PRKN: variants seen among roughly 807,000 people sequenced by gnomAD.
PRKN encodes E3 ubiquitin-protein ligase parkin.
A neutral mutation model predicts 59.5 loss-of-function variants in PRKN; 56 were observed. The ratio of observed to expected loss-of-function variants is 0.94; its 90% CI spans 0.76 to 1.18. The LOEUF (loss-of-function observed/expected upper bound fraction) is 1.18, where lower values mean the gene tolerates loss of function less well. Ranked by LOEUF, PRKN falls within the 50% of genes most tolerant of loss-of-function variation. The probability of loss-of-function intolerance (pLI) is 0.00; values close to 1 mark genes in which losing one functional copy is unlikely to be tolerated. For missense variants in PRKN, 657 were observed against 596.4 expected, an observed-to-expected ratio of 1.10 and a Z score of -1.06; for synonymous variants, 250 against 222.1, an observed-to-expected ratio of 1.13 and a Z score of -1.12.
In PRKN at chr6:161,616,753, G is replaced by T. The variant is rs532260159; in HGVS notation, c.872-47337C>A. Reference sequence around the variant, plus strand: ...AAAGGACATGAACTCACCCCCTTAAGGCTGCAAAGTATTCCATGGTGTATA... The same window carrying T: ...AAAGGACATGAACTCACCCCCTTAATGCTGCAAAGTATTCCATGGTGTATA... On this transcript the variant is annotated intron_variant, in intron 7 of 11. Transcript: ENST00000366898. Among the ~76,000 whole-genome samples, 89 of 152,236 alleles carry T rather than the reference G, an allele frequency of 5.8e-4. 1 individual carries two copies. The highest frequency in any genetic ancestry group is 1.1e-3 in the Non-Finnish European group (76 of 68,014).
At chr6:161,976,062 TG>T (rs1410052524) in intron 5 of PRKN, among the ~76,000 whole-genome samples, 1 of 152,134 alleles carries the variant, frequency 6.6e-6, no homozygotes, top group African/African-American at 2.4e-5. Context: ...CCCGCCATCA[TG>T]CCAGGCTAAT....
chr6:162,259,440 AAAG>A (rs747599231), intron 3 of PRKN, among the ~76,000 whole-genome samples: 6 of 152,198 alleles, frequency 3.9e-5, no homozygotes, highest in Admixed American at 6.5e-5. Context: ...AAAAAGAATG[AAAG>A]AAGATTTTTT....
chr6:162,078,972 T>G (rs2128293094), intron 4 of PRKN, among the ~76,000 whole-genome samples: 1 of 152,256 alleles, frequency 6.6e-6, no homozygotes, highest in Non-Finnish European at 1.5e-5. Flanking sequence ...TCACAAAGTC[T>G]TACGTGACTC....
At chr6:161,782,668 C>T (rs1346277839) in intron 7 of PRKN, among the ~76,000 whole-genome samples, 3 of 150,412 alleles carry the variant, frequency 2.0e-5, no homozygotes, top group East Asian at 3.9e-4. Context: ...CTGAGGTGGG[C>T]GGATCACCTG....
At chr6:161,374,152 C>T (rs549893421) in intron 10 of PRKN, among the ~76,000 whole-genome samples, 9 of 152,060 alleles carry the variant, frequency 5.9e-5, no homozygotes, top group South Asian at 2.1e-4. Flanking sequence ...TCCAAATGCC[C>T]GTGGGGTATG....
chr6:162,052,986 C>T (rs781216582), intron 5 of PRKN, among the ~76,000 whole-genome samples: 9 of 152,020 alleles, frequency 5.9e-5, no homozygotes, highest in Non-Finnish European at 1.0e-4. Flanking sequence ...TGTAATTACA[C>T]TTAAGAATTC....
chr6:161,907,509 CCA>C (rs1473308256), intron 6 of PRKN, among the ~76,000 whole-genome samples: 1 of 152,090 alleles, frequency 6.6e-6, no homozygotes, highest in Admixed American at 6.6e-5. Context: ...CTCACATTTG[CCA>C]AGTTATTCTA....
At chr6:162,453,000 A>G (rs1790697855) in intron 1 of PRKN, among the ~76,000 whole-genome samples, 1 of 152,226 alleles carries the variant, frequency 6.6e-6, no homozygotes, top group Non-Finnish European at 1.5e-5. Flanking sequence ...ACAAAAAGAG[A>G]GAAACTTAAG....
At chr6:162,078,767 C>T (rs78692175) in intron 4 of PRKN, among the ~76,000 whole-genome samples, 6,539 of 152,038 alleles carry the variant, frequency 0.043, 194 homozygotes, top group Non-Finnish European at 0.063. Context: ...CTTGTAAAGG[C>T]TTTCTGTTCT....
At chr6:162,536,272 T>G (rs1778714160) in intron 1 of PRKN, among the ~76,000 whole-genome samples, 1 of 152,124 alleles carries the variant, frequency 6.6e-6, no homozygotes. Flanking sequence ...AATCTGTGTT[T>G]CTGGATGCAT....
chr6:162,285,006 G>C (rs1781116202), intron 2 of PRKN, among the ~76,000 whole-genome samples: 1 of 152,126 alleles, frequency 6.6e-6, no homozygotes. Flanking sequence ...TGAGATTCAG[G>C]TATAGACAGA....
Position 161,562,234 on chromosome 6 carries a change from C to T in PRKN, c.933+7121G>A, listed in dbSNP as rs2115461950. Among the ~76,000 whole-genome samples the T allele has an allele frequency of 1.3e-5, 2 of 152,184 alleles. No individual in the cohort carries two copies. The highest frequency in any genetic ancestry group is 3.9e-4 in the East Asian group (2 of 5,162). The stretch of plus-strand genomic sequence containing the variant: ...TCGGCTTCCTCAACACCATAAATCG[C>T]CATTCTCCTCTGGAGGACCCGCCTT... On this transcript the variant is annotated intron_variant, in intron 8 of 11. Transcript: ENST00000366898. This position sits in a 1 kb window ranked among gnomAD's most constrained non-coding sequence, Gnocchi z 4.3.
intron 2 of PRKN, among the ~76,000 whole-genome samples, chr6:162,304,468 T>G (rs1189706368): frequency 6.6e-6 from 1 of 150,796 alleles, no homozygotes; most frequent in African/African-American, 2.4e-5. Context: ...ATAACTAAAA[T>G]GTAATGCTTG....
intron 7 of PRKN, among the ~76,000 whole-genome samples, chr6:161,733,798 G>GTGTGTA (rs1787839642): frequency 1.6e-5 from 2 of 122,386 alleles, no homozygotes; most frequent in African/African-American, 6.5e-5. Context: ...ATATATATAT[G>GTGTGTA]TATATATATA....
intron 4 of PRKN, among the ~76,000 whole-genome samples, chr6:162,113,987 C>T (rs1417331379): frequency 6.6e-6 from 1 of 151,752 alleles, no homozygotes; most frequent in Non-Finnish European, 1.5e-5. Flanking sequence ...TTCCCCATTG[C>T]TTGTTTTTCT....
intron 2 of PRKN, among the ~76,000 whole-genome samples, chr6:162,386,580 T>C (rs1207537876): frequency 6.6e-6 from 1 of 152,188 alleles, no homozygotes; most frequent in Non-Finnish European, 1.5e-5. Flanking sequence ...CCAGAATGGT[T>C]TGGGTCCAGC....
rs781046528 is a variant in PRKN at position 161,386,805 on chromosome 6, T to C, written c.1156A>G (p.Thr386Ala). The C allele has an allele frequency of 1.2e-6, 2 of 1,613,070 alleles. No homozygotes were observed. Among genetic ancestry groups the C allele is most frequent in the East Asian group, 2.2e-5 (1 of 44,864 alleles). Reference protein sequence around the residue: ...ECSAVFEASGTTTQAYRVDER... With the variant: ...ECSAVFEASGATTQAYRVDER... ...AGGGCATTCTGTACCTGAGTAGTTGTTCCTGAGGCTTCAAATACGGCACTG... is the reference window on the plus strand; with the variant it reads ...AGGGCATTCTGTACCTGAGTAGTTGCTCCTGAGGCTTCAAATACGGCACTG... Residue 386 changes from threonine to alanine, a missense_variant, in exon 10 of 12, where the codon ACA (threonine) becomes GCA (alanine). Physicochemically the swap from Thr to Ala is moderately conservative, Grantham distance 58. Transcript: ENST00000366898. This position sits in a 1 kb window ranked among gnomAD's most constrained non-coding sequence, Gnocchi z 4.3.
chr6:161,438,498 C>G (rs1045349789), intron 9 of PRKN, among the ~76,000 whole-genome samples: 5 of 152,144 alleles, frequency 3.3e-5, no homozygotes, highest in Non-Finnish European at 7.4e-5. Context: ...TTACAGGCAT[C>G]AGCCACTGCG....
At chr6:162,088,090 A>G (rs1201334030) in intron 4 of PRKN, among the ~76,000 whole-genome samples, 3 of 152,176 alleles carry the variant, frequency 2.0e-5, no homozygotes, top group African/African-American at 7.2e-5. Context: ...TCCCACATCA[A>G]TGAGGACCTT....
Sources: allele counts gnomAD v4.1 joint callset (sites outside exome capture counted in the v4.1 genomes callset), GRCh38; gene constraint gnomAD v4.1.1; non-coding constraint Gnocchi (gnomAD v3.1); transcripts MANE v1.5; gene names NCBI Gene and HGNC (gene_info 2026-07-23, HGNC 2026-07-21).